RBM6: variants seen among roughly 807,000 people sequenced by gnomAD.
The protein encoded by RBM6 is RNA binding motif protein 6, also known as RNA-binding protein 6.
A neutral mutation model predicts 140.4 loss-of-function variants in RBM6; 23 were observed. The ratio of observed to expected loss-of-function variants is 0.16; its 90% confidence interval spans 0.12 to 0.23. The LOEUF is 0.23. Among genes scored for constraint, RBM6 ranks in the 10% least tolerant of loss-of-function variants. The pLI is 1.00. For missense variants in RBM6, 1,139 were observed against 1,386.7 expected, an observed-to-expected ratio of 0.82 and a Z score of 2.84; for synonymous variants, 439 against 475.6, an observed-to-expected ratio of 0.92 and a Z score of 1.00.
rs756028153 is a variant in RBM6 at position 49,968,433 on chromosome 3, T to G, written c.1008T>G (p.His336Gln). ...AFGIQKGEFE[H>Q]SETREGETQG... ...GCATTCAGAAGGGAGAATTTGAGCA[T>G]TCAGAAACAAGAGAAGGAGAAACAC... The change falls in exon 3 of 21, where the codon CAT (histidine) becomes CAG (glutamine). Residue 336 changes from histidine (H) to glutamine (Q), a missense_variant. Coordinates refer to ENST00000266022, the MANE Select transcript of RBM6 (RefSeq NM_005777.3). The G allele has an allele frequency of 5.6e-6, 9 of 1,613,976 alleles. No homozygotes were observed. Among genetic ancestry groups the G allele is most frequent in the Non-Finnish European group, 7.6e-6 (9 of 1,180,014 alleles).
chr3:50,073,712 A>T (rs1292692004), intron 19 of RBM6, among the ~76,000 whole-genome samples: 5 of 152,154 alleles, frequency 3.3e-5, no homozygotes, highest in Non-Finnish European at 7.3e-5. Flanking sequence ...CTACTCTTAT[A>T]ACTTGTCTTT....
intron 6 of RBM6, among the ~76,000 whole-genome samples, chr3:50,043,276 A>G (rs2089028455): frequency 1.3e-5 from 2 of 152,190 alleles, no homozygotes; most frequent in South Asian, 4.2e-4. Context: ...TTAGGCCAGG[A>G]GTTCAAGACC....
Position 50,019,229 on chromosome 3 carries a change from T to A in RBM6, c.1557+19716T>A, listed in dbSNP as rs564280985. Among the ~76,000 whole-genome samples the A allele has an allele frequency of 2.0e-5, 3 of 152,070 alleles. No individual in the cohort carries two copies. In the South Asian group the frequency reaches 6.2e-4, roughly 32 times the overall value. On this transcript the variant is annotated intron_variant, in intron 6 of 20. Coordinates refer to ENST00000266022, the MANE Select transcript of RBM6 (RefSeq NM_005777.3). Reference sequence around the variant, plus strand: ...TTTTGTATTTTTAGTTTCACCATGTTGGCTAAGATGGTCTTGAACTCCTGA... The same window carrying A: ...TTTTGTATTTTTAGTTTCACCATGTAGGCTAAGATGGTCTTGAACTCCTGA...
chr3:49,970,794 AG>A (rs1159751275), intron 3 of RBM6, among the ~76,000 whole-genome samples: 2 of 152,210 alleles, frequency 1.3e-5, no homozygotes, highest in African/African-American at 4.8e-5. Context: ...CAGGAACTTG[AG>A]ACCAGTGTGG....
At chr3:49,962,784 A>G in intron 2 of RBM6, 99 bp downstream of exon 2, 2 of 1,242,296 alleles carry the variant, frequency 1.6e-6, no homozygotes, top group Non-Finnish European at 2.2e-6. Flanking sequence ...TCTGTGGAGA[A>G]ATAGTTTCTG....
intron 1 of RBM6, 132 bp from the exon 2 acceptor site, chr3:49,962,444 G>A (rs2084327066): frequency 5.6e-6 from 3 of 532,682 alleles, no homozygotes; most frequent in Non-Finnish European, 9.8e-6. Context: ...AAAAAAAAAA[G>A]AAAAGAAAGA....
At chr3:50,072,101 AAAAAG>A (rs1179145071) in intron 19 of RBM6, among the ~76,000 whole-genome samples, 2 of 145,400 alleles carry the variant, frequency 1.4e-5, no homozygotes, top group Non-Finnish European at 1.5e-5. Context: ...AAAAAAAAAA[AAAAAG>A]AAAAGGAAAG....
intron 11 of RBM6, 158 bp from the exon 12 acceptor site, chr3:50,060,798 C>A: frequency 1.9e-5 from 7 of 378,248 alleles, no homozygotes; most frequent in South Asian, 7.4e-5. Flanking sequence ...CTCATTCTTT[C>A]AGGAGTGTCT....
intron 1 of RBM6, among the ~76,000 whole-genome samples, chr3:49,952,275 C>T (rs567921554): frequency 6.0e-5 from 9 of 149,732 alleles, no homozygotes; most frequent in African/African-American, 1.2e-4. Flanking sequence ...GTGATCTACC[C>T]GCCTTGGCCT....
chr3:49,993,115 C>A (rs80089229), intron 5 of RBM6, among the ~76,000 whole-genome samples: 2,570 of 152,150 alleles, frequency 0.017, 50 homozygotes, highest in African/African-American at 0.058. Flanking sequence ...AACTCTGGGG[C>A]AAAGACGTTG....
chr3:50,030,953 G>A (rs1036276405), intron 6 of RBM6, among the ~76,000 whole-genome samples: 1 of 151,962 alleles, frequency 6.6e-6, no homozygotes, highest in African/African-American at 2.4e-5. Context: ...ATGGTAAAGG[G>A]GTATAAAAAA....
At chr3:49,980,773 A>AAG (rs2085273113) in intron 5 of RBM6, among the ~76,000 whole-genome samples, 3 of 151,628 alleles carry the variant, frequency 2.0e-5, no homozygotes, top group Non-Finnish European at 4.4e-5. Context: ...AAAAAAAAAA[A>AAG]AAAAAAAGTT....
chr3:50,037,680 A>G (rs920762489), intron 6 of RBM6, among the ~76,000 whole-genome samples: 3 of 152,048 alleles, frequency 2.0e-5, no homozygotes, highest in Non-Finnish European at 2.9e-5. Flanking sequence ...TTTAATAGCA[A>G]TGGAGATGGG....
intron 1 of RBM6, among the ~76,000 whole-genome samples, chr3:49,949,865 G>A (rs954413251): frequency 6.6e-6 from 1 of 151,946 alleles, no homozygotes; most frequent in Non-Finnish European, 1.5e-5. Context: ...TGGGACTACA[G>A]GTGTATACCA....
chr3:50,068,768 A>T lies in RBM6; in HGVS notation c.3018+4A>T, dbSNP rs776287058. 3.1e-6 allele frequency: 5 copies of T among 1,613,318 alleles called. No homozygotes were observed. The South Asian group carries it at 4.4e-5, about 14-fold the overall frequency. On this transcript the variant is annotated splice_donor_region_variant and intron_variant, in intron 18 of 20. Coordinates refer to ENST00000266022, the MANE Select transcript of RBM6 (RefSeq NM_005777.3). ...TCTGGAAAGGAGAGAACGAGAGGTAAACTTTGGTGACCTATTACTCCCTTG... is the reference window on the plus strand; with the variant it reads ...TCTGGAAAGGAGAGAACGAGAGGTATACTTTGGTGACCTATTACTCCCTTG...
At chr3:50,048,832 T>C (rs1034435568) in intron 7 of RBM6, among the ~76,000 whole-genome samples, 1 of 152,098 alleles carries the variant, frequency 6.6e-6, no homozygotes, top group Non-Finnish European at 1.5e-5. Context: ...AAACGGAATC[T>C]CATTCTGTTG....
chr3:49,978,784 A>T (rs1024125269), intron 5 of RBM6, among the ~76,000 whole-genome samples: 2 of 152,192 alleles, frequency 1.3e-5, no homozygotes, highest in Non-Finnish European at 2.9e-5. Context: ...CTTGACATTT[A>T]TGGGATTTTG....
chr3:50,049,053 C>A (rs866432930), intron 7 of RBM6, among the ~76,000 whole-genome samples: 1 of 151,534 alleles, frequency 6.6e-6, no homozygotes, highest in African/African-American at 2.4e-5. Flanking sequence ...CCACCTGCCT[C>A]AGCCTCCCAA....
chr3:50,022,027 C>G (rs532022755), intron 6 of RBM6, among the ~76,000 whole-genome samples: 1 of 151,686 alleles, frequency 6.6e-6, no homozygotes, highest in East Asian at 1.9e-4. Context: ...GCACTGTAGC[C>G]TGGGTGACAG....
Sources: gnomAD v4.1 joint callset for allele counts (sites outside exome capture counted in the v4.1 genomes callset) on GRCh38, gnomAD v4.1.1 for gene constraint, MANE v1.5 for transcripts, NCBI Gene and HGNC (gene_info 2026-07-23, HGNC 2026-07-21) for gene names.